The following PCDHA2 variants were observed in gnomAD, a reference collection of about 807,000 sequenced individuals.
PCDHA2 encodes protocadherin alpha 2.
PCDHA2 carries 58 observed loss-of-function variants against 66.0 expected under a neutral mutation model. The observed-to-expected ratio is 0.88, with a 90% CI of 0.71 to 1.09. The LOEUF (loss-of-function observed/expected upper bound fraction) is 1.09. PCDHA2 is among the 50% of genes least tolerant of loss of function. PCDHA2 has a pLI of 0.00. For synonymous variants in PCDHA2, 634 were observed against 554.0 expected, an observed-to-expected ratio of 1.14 and a Z score of -2.03; for missense variants, 1,267 against 1,242.3, an observed-to-expected ratio of 1.02 and a Z score of -0.30.
At chr5:140,981,223 T>C (rs1472733562) in intron 2 of PCDHA2, among the ~76,000 whole-genome samples, 2 of 152,234 alleles carry the variant, frequency 1.3e-5, no homozygotes, top group Non-Finnish European at 2.9e-5. Context: ...CTTTAGTCAG[T>C]AGTCTAAATT....
At chr5:140,991,071 T>A (rs2097430480) in intron 3 of PCDHA2, among the ~76,000 whole-genome samples, 1 of 152,152 alleles carries the variant, frequency 6.6e-6, no homozygotes, top group African/African-American at 2.4e-5. Flanking sequence ...ATTCCCATGT[T>A]TCAGATAAAA....
chr5:140,970,776 A>G lies in PCDHA2; in HGVS notation c.2389-8173A>G, dbSNP rs1338334067. Among the ~76,000 whole-genome samples the G allele has an allele frequency of 1.3e-5, 2 of 152,212 alleles. 1 individual carries two copies. The highest frequency in any genetic ancestry group is 4.8e-5 in the African/African-American group (2 of 41,458). On this transcript the variant is annotated intron_variant, in intron 1 of 3. Coordinates refer to ENST00000526136, the MANE Select transcript of PCDHA2 (RefSeq NM_018905.3). Reference sequence around the variant, plus strand: ...TTCATTGACATATTGCTGTACATACATATTGTATGTAATATCCATATTGTT... The same window carrying G: ...TTCATTGACATATTGCTGTACATACGTATTGTATGTAATATCCATATTGTT...
At chr5:140,875,292 T>A in intron 1 of PCDHA2, 1 of 1,401,900 alleles carries the variant, frequency 7.1e-7, no homozygotes, top group Non-Finnish European at 9.3e-7. Flanking sequence ...ACAGGAAAAT[T>A]TTTTTCTCCG....
chr5:140,932,346 A>G lies in PCDHA2; in HGVS notation c.2389-46603A>G, dbSNP rs529573484. 2.6e-5 allele frequency among the ~76,000 whole-genome samples: 4 copies of G among 152,072 alleles called. No homozygotes were observed. In the South Asian group the frequency reaches 6.2e-4, roughly 24 times the overall value. ...AGCAAAAATGCATGAAACACTTACCATACAACTGGCCTTATTAAATTTCCA... is the reference window on the plus strand; with the variant it reads ...AGCAAAAATGCATGAAACACTTACCGTACAACTGGCCTTATTAAATTTCCA... On this transcript the variant is annotated intron_variant, in intron 1 of 3. Coordinates refer to ENST00000526136, the MANE Select transcript of PCDHA2 (RefSeq NM_018905.3).
At chr5:140,801,138 G>C in intron 1 of PCDHA2, 1 of 1,525,294 alleles carries the variant, frequency 6.6e-7, no homozygotes, top group African/African-American at 1.4e-5. Context: ...TAAGGAACTC[G>C]AATTATTTTT....
At chr5:140,884,428 G>C in intron 1 of PCDHA2, 1 of 1,613,962 alleles carries the variant, frequency 6.2e-7, no homozygotes, top group Non-Finnish European at 8.5e-7. Context: ...TGTATACTGC[G>C]CTGCGGTGCT....
intron 1 of PCDHA2, among the ~76,000 whole-genome samples, chr5:140,909,996 T>C (rs549464312): frequency 1.3e-5 from 2 of 152,192 alleles, no homozygotes; most frequent in African/African-American, 4.8e-5. Context: ...ACAGCATAAA[T>C]TGTTGTCAGT....
chr5:140,834,218 G>A (rs2150214230), intron 1 of PCDHA2: 2 of 668,586 alleles, frequency 3.0e-6, no homozygotes, highest in Non-Finnish European at 5.0e-6. Flanking sequence ...TTCGTAATCA[G>A]CAAAAGGAAG....
At chr5:140,993,540 A>T (rs1189758746) in intron 3 of PCDHA2, among the ~76,000 whole-genome samples, 7 of 151,678 alleles carry the variant, frequency 4.6e-5, no homozygotes, top group Non-Finnish European at 8.8e-5. Context: ...AGAGAGAGAT[A>T]GAGAAGTGAA....
chr5:140,970,854 T>G (rs2096437899), intron 1 of PCDHA2, among the ~76,000 whole-genome samples: 1 of 152,148 alleles, frequency 6.6e-6, no homozygotes, highest in Non-Finnish European at 1.5e-5. Flanking sequence ...GCACAAAAGT[T>G]CCATTCCTGA....
rs200441286 is a variant in PCDHA2, at chr5:140,856,169, G to A, written c.2388+58817G>A. 1.9e-6 allele frequency: 3 copies of A among 1,598,230 alleles called. 1 individual carries two copies. The highest frequency in any genetic ancestry group is 2.6e-6 in the Non-Finnish European group (3 of 1,167,916). On this transcript the variant is annotated intron_variant, in intron 1 of 3. Transcript: ENST00000526136. ...CTCAGTCTACGAGGAGGCCAGACACGGCACCTTCGTGGGCCGCATCGCGCA... is the reference window on the plus strand; with the variant it reads ...CTCAGTCTACGAGGAGGCCAGACACAGCACCTTCGTGGGCCGCATCGCGCA...
intron 1 of PCDHA2, among the ~76,000 whole-genome samples, chr5:140,926,081 T>C (rs2153580512): frequency 6.6e-6 from 1 of 152,334 alleles, no homozygotes; most frequent in Admixed American, 6.5e-5. Flanking sequence ...TCTATTGCCC[T>C]CTTGGCAGCT....
At position 140,867,369 on chromosome 5, in the gene PCDHA2, G is replaced by A. The variant is rs554108396; in HGVS notation, c.2388+70017G>A. On this transcript the variant is annotated intron_variant, in intron 1 of 3. Coordinates refer to ENST00000526136, the MANE Select transcript of PCDHA2 (RefSeq NM_018905.3). ...CTATGATTGATTATTTTACAGATGC[G>A]TAATGGAATTAACGGTTATAAAAGT... is the stretch of plus-strand genomic sequence containing the variant. 21 of 152,194 alleles carry A rather than the reference G, an allele frequency of 1.4e-4. 1 individual carries two copies. Among genetic ancestry groups the A allele is most frequent in the South Asian group, 1.0e-3 (5 of 4,822 alleles). The allele number at this position is 152,194 out of a possible 1,614,324, so 9.4% of individuals were successfully genotyped here.
intron 1 of PCDHA2, chr5:140,884,546 T>C (rs1554181711): frequency 6.2e-7 from 1 of 1,614,082 alleles, no homozygotes; most frequent in Non-Finnish European, 8.5e-7. Flanking sequence ...GAGGGTGTGC[T>C]CTGGGGAGGG....
At chr5:140,848,624 C>T in intron 1 of PCDHA2, 2 of 1,593,432 alleles carry the variant, frequency 1.3e-6, no homozygotes, top group South Asian at 2.2e-5. Context: ...AACACGGCAC[C>T]TTCGTGGGCC....
chr5:140,868,930 G>T, intron 1 of PCDHA2: 8 of 1,085,624 alleles, frequency 7.4e-6, no homozygotes, highest in Non-Finnish European at 1.0e-5. Context: ...TTCATTTAAA[G>T]GTTGGTCTGA....
chr5:140,966,490 T>C lies in PCDHA2; in HGVS notation c.2389-12459T>C, dbSNP rs533525977. 6.2e-5 allele frequency: 27 copies of C among 438,082 alleles called. No individual in the cohort carries two copies. In the Admixed American group the frequency reaches 1.1e-3, roughly 18 times the overall value. The allele number at this position is 438,082 out of a possible 1,614,324, so 27.1% of individuals were successfully genotyped here. On this transcript the variant is annotated intron_variant, in intron 1 of 3. Coordinates refer to ENST00000526136, the MANE Select transcript of PCDHA2 (RefSeq NM_018905.3). ...CCTTCTGTTTCCTTTTCCCTCCCCC[T>C]GGAGCTGTAGCGGCAGCAGCAGCAG... is the stretch of plus-strand genomic sequence containing the variant.
intron 1 of PCDHA2, chr5:140,875,367 T>G: frequency 6.9e-7 from 1 of 1,449,166 alleles, no homozygotes; most frequent in Non-Finnish European, 9.1e-7. Flanking sequence ...CTGGAAAAAA[T>G]TTACTAAATA....
chr5:140,948,722 A>G (rs2094296449), intron 1 of PCDHA2, among the ~76,000 whole-genome samples: 1 of 151,574 alleles, frequency 6.6e-6, no homozygotes, highest in Admixed American at 6.6e-5. Context: ...TTTTTTATCA[A>G]TAAGTCTAGC....
Sources: allele counts gnomAD v4.1 joint callset (sites outside exome capture counted in the v4.1 genomes callset), GRCh38; gene constraint gnomAD v4.1.1; transcripts MANE v1.5; gene names NCBI Gene and HGNC (gene_info 2026-07-23, HGNC 2026-07-21).